Variants in ENDOV observed in about 807,000 individuals in gnomAD.
ENDOV encodes the protein endonuclease V, also known as hEndoV.
In ENDOV, 37 loss-of-function variants were observed where a neutral mutation model predicts 39.4. The observed-to-expected ratio is 0.94, with a 90% CI of 0.72 to 1.23. The LOEUF is 1.23. Among genes scored for constraint, ENDOV ranks in the 50% most tolerant of loss-of-function variants. The pLI is 0.00. For missense variants in ENDOV, 441 were observed against 375.7 expected (o/e 1.17, Z -1.44); for synonymous variants, 186 against 163.4 (o/e 1.14, Z -1.05).
Position 80,419,477 on chromosome 17 carries a change from G to C in ENDOV, c.229-2351G>C, listed in dbSNP as rs1347347455. 6.0e-6 allele frequency: 4 copies of C among 663,740 alleles called. No individual in the cohort carries two copies. In the East Asian group the frequency reaches 8.2e-5, roughly 14 times the overall value. The allele number at this position is 663,740 out of a possible 1,614,324, so 41.1% of individuals were successfully genotyped here. On this transcript the variant is annotated intron_variant, in intron 2 of 9. Coordinates refer to ENST00000518137, the MANE Select transcript of ENDOV (RefSeq NM_173627.5). ...TGCTGAGCGATGGCTGGTGTGTGCT[G>C]CTCCACAGGCCTGGTGGAGCCTGTT...
intron 9 of ENDOV, chr17:80,433,067 C>T (rs931882500): frequency 1.9e-6 from 1 of 518,760 alleles, no homozygotes; most frequent in African/African-American, 1.9e-5. Context: ...ACTGGCATTC[C>T]CACAGAATGC....
At chr17:80,430,145 G>T (rs1262096585) in intron 9 of ENDOV, 1 of 1,520,056 alleles carries the variant, frequency 6.6e-7, no homozygotes, top group Non-Finnish European at 8.8e-7. Flanking sequence ...GCCCCTCTTT[G>T]CTCCGTCATC....
intron 2 of ENDOV, chr17:80,419,558 C>T (rs955925912): frequency 2.8e-6 from 2 of 702,480 alleles, no homozygotes; most frequent in African/African-American, 3.5e-5. Flanking sequence ...GAGCTGACTC[C>T]TACTTGTCTG....
rs184517505 is a variant in ENDOV, at chr17:80,436,336, G to A, written c.*193G>A. On this transcript the variant is annotated 3_prime_UTR_variant, in exon 10 of 10. Transcript: ENST00000518137. ...ATCGAACGTGGTGGTGAGAGCACAC[G>A]TCCTTGTCTTGTTCCTGATCTTAAG... 2.9e-5 allele frequency: 45 copies of A among 1,554,336 alleles called. No homozygotes were observed. In the East Asian group the frequency reaches 7.9e-4, roughly 27 times the overall value.
intron 9 of ENDOV, among the ~76,000 whole-genome samples, chr17:80,434,150 C>T (rs2083476158): frequency 6.6e-6 from 1 of 152,112 alleles, no homozygotes; most frequent in Non-Finnish European, 1.5e-5. Context: ...CGTGGAATCA[C>T]CGTGTGTCTC....
At chr17:80,417,486 TCA>T (rs1250963150) in intron 2 of ENDOV, 2 of 152,242 alleles carry the variant, frequency 1.3e-5, no homozygotes, top group African/African-American at 2.4e-5. Context: ...AATTTATTTC[TCA>T]CAGTTCTGGA....
At chr17:80,430,338 T>G (rs2083254775) in intron 9 of ENDOV, 3 of 1,527,630 alleles carry the variant, frequency 2.0e-6, no homozygotes, top group Middle Eastern at 1.7e-4. Context: ...TGCTTGCTCT[T>G]TTTTATTCTT....
chr17:80,421,460 G>A (rs897344039), intron 2 of ENDOV, among the ~76,000 whole-genome samples: 5 of 150,292 alleles, frequency 3.3e-5, no homozygotes, highest in Non-Finnish European at 4.4e-5. Context: ...GACCGGGTCC[G>A]GGGTGGGGGT....
At chr17:80,428,773 G>A (rs2083044467) in intron 8 of ENDOV, 113 bp downstream of exon 8, 4 of 1,058,044 alleles carry the variant, frequency 3.8e-6, no homozygotes, top group Admixed American at 4.4e-5. Context: ...AGGACAGACA[G>A]TGCAGGGCCA....
chr17:80,432,072 G>A (rs892354166), intron 9 of ENDOV, among the ~76,000 whole-genome samples: 1 of 152,212 alleles, frequency 6.6e-6, no homozygotes, highest in African/African-American at 2.4e-5. Context: ...TGCCTGTCTG[G>A]TGGGCGCTGA....
chr17:80,424,145 C>G, intron 5 of ENDOV: 2 of 399,242 alleles, frequency 5.0e-6, no homozygotes, highest in East Asian at 7.1e-5. Flanking sequence ...GAGTGAGACA[C>G]TCACAATGGA....
intron 9 of ENDOV, among the ~76,000 whole-genome samples, chr17:80,435,341 G>A (rs1398876063): frequency 6.6e-6 from 1 of 152,200 alleles, no homozygotes; most frequent in African/African-American, 2.4e-5. Context: ...TCTAAGAAAT[G>A]TATAGTTTTA....
At chr17:80,434,463 G>A (rs11150857) in intron 9 of ENDOV, among the ~76,000 whole-genome samples, 1,996 of 152,270 alleles carry the variant, frequency 0.013, 46 homozygotes, top group African/African-American at 0.045. Flanking sequence ...ATATACCTAG[G>A]AGTAGAATTT....
intron 2 of ENDOV, among the ~76,000 whole-genome samples, chr17:80,421,505 A>G (rs1471352905): frequency 1.7e-5 from 2 of 116,996 alleles, no homozygotes; most frequent in African/African-American, 6.7e-5. Context: ...GGCTGCTGCT[A>G]TGGACCAGGT....
Position 80,429,789 on chromosome 17 carries a change from A to G in ENDOV, c.796A>G (p.Arg266Gly). The change falls in exon 9 of 10, where the codon AGG (arginine) becomes GGG (glycine). Residue 266 changes from arginine (R) to glycine (G), a missense_variant. Transcript: ENST00000518137. ...CATCACCAGGAGCCCGAAGGCGCAG[A>G]GGCCAGTGGCATGCCCCAAAGGAGA... ...PPTPRSPKAQ[R>G]PVACPKGDSG... The G allele has an allele frequency of 6.2e-7, 1 of 1,604,406 alleles. No individual in the cohort carries two copies. Among genetic ancestry groups the G allele is most frequent in the East Asian group, 2.2e-5 (1 of 44,836 alleles).
chr17:80,423,489 C>CAA, intron 4 of ENDOV, 31 bp from the exon 5 acceptor site: 1 of 1,140,676 alleles, frequency 8.8e-7, no homozygotes, highest in Non-Finnish European at 1.3e-6. Flanking sequence ...AGCCCCACCT[C>CAA]CCCAACCCCA....
intron 7 of ENDOV, 27 bp from the exon 8 acceptor site, chr17:80,428,569 A>G: frequency 1.3e-6 from 2 of 1,564,314 alleles, no homozygotes; most frequent in Non-Finnish European, 1.7e-6. Context: ...CCAGCTCAGC[A>G]CCCAGCAGCA....
chr17:80,422,031 G>A, intron 3 of ENDOV, 69 bp downstream of exon 3: 9 of 1,583,236 alleles, frequency 5.7e-6, no homozygotes, highest in Non-Finnish European at 6.8e-6. Flanking sequence ...GGCTGCTGCA[G>A]GTCGCCACCA....
At position 80,429,819 on chromosome 17, in the gene ENDOV, G is replaced by A. The variant is rs375970007; in HGVS notation, c.826G>A (p.Gly276Arg). ...RPVACPKGDS[G>R]ESSALC Reference sequence around the variant, plus strand: ...AGTGGCATGCCCCAAAGGAGACTCCGGAGAGTCCTCAGGTGAGGGCCAGCC... The same window carrying A: ...AGTGGCATGCCCCAAAGGAGACTCCAGAGAGTCCTCAGGTGAGGGCCAGCC... The change falls in exon 9 of 10, where the codon GGA (glycine) becomes AGA (arginine). Residue 276 changes from glycine (G) to arginine (R), a missense_variant. Transcript: ENST00000518137. The A allele has an allele frequency of 1.1e-4, 171 of 1,612,692 alleles. No individual in the cohort carries two copies. Among genetic ancestry groups the A allele is most frequent in the Non-Finnish European group, 1.3e-4 (159 of 1,179,786 alleles).
Sources: allele counts gnomAD v4.1 joint callset (sites outside exome capture counted in the v4.1 genomes callset), GRCh38; gene constraint gnomAD v4.1.1; transcripts MANE v1.5; gene names NCBI Gene and HGNC (gene_info 2026-07-23, HGNC 2026-07-21).